Variants in CERKL observed in about 807,000 individuals in gnomAD.
CERKL encodes CERK like autophagy regulator.
CERKL carries 61 observed loss-of-function variants against 63.4 expected under a neutral mutation model. That is an observed-to-expected ratio of 0.96 (90% CI 0.78 to 1.19). The LOEUF is 1.19. Among genes scored for constraint, CERKL ranks in the 50% most tolerant of loss-of-function variants. The probability of loss-of-function intolerance (pLI) is 0.00; values close to 1 mark genes in which losing one functional copy is unlikely to be tolerated. For missense variants in CERKL, 675 were observed against 655.5 expected (o/e 1.03, Z -0.33); for synonymous variants, 250 against 230.5 (o/e 1.08, Z -0.77).
At chr2:181,640,642 G>A (rs1390246342) in intron 1 of CERKL, among the ~76,000 whole-genome samples, 1 of 152,148 alleles carries the variant, frequency 6.6e-6, no homozygotes, top group East Asian at 1.9e-4. Context: ...ATTACAGAGG[G>A]TACAAAAACA....
At chr2:181,556,800 A>G (rs1425214394) in intron 5 of CERKL, among the ~76,000 whole-genome samples, 8 of 152,146 alleles carry the variant, frequency 5.3e-5, no homozygotes, top group Non-Finnish European at 1.0e-4. Flanking sequence ...CTAGTTCTAG[A>G]TCCCTGAGGA....
At chr2:181,632,166 A>G (rs55710013) in intron 1 of CERKL, among the ~76,000 whole-genome samples, 17,192 of 152,216 alleles carry the variant, frequency 0.11, 1,336 homozygotes, top group East Asian at 0.22. Flanking sequence ...TATATCATCC[A>G]TAAACTTTGA....
chr2:181,620,606 A>G (rs893583598), intron 1 of CERKL, among the ~76,000 whole-genome samples: 2 of 152,204 alleles, frequency 1.3e-5, no homozygotes, highest in African/African-American at 2.4e-5. Context: ...CTGAGAGATT[A>G]AAGTAATTGT....
intron 2 of CERKL, among the ~76,000 whole-genome samples, chr2:181,582,709 T>C (rs961120748): frequency 6.6e-6 from 1 of 151,846 alleles, no homozygotes; most frequent in Non-Finnish European, 1.5e-5. Flanking sequence ...CAAGCCCAGC[T>C]AATTTTTGTA....
chr2:181,650,702 T>A (rs1687890487), intron 1 of CERKL, among the ~76,000 whole-genome samples: 1 of 149,862 alleles, frequency 6.7e-6, no homozygotes, highest in African/African-American at 2.5e-5. Flanking sequence ...GAGGTTGCGG[T>A]GAGCCGAGAT....
chr2:181,568,371 C>A (rs936162995), intron 3 of CERKL, among the ~76,000 whole-genome samples: 5 of 152,116 alleles, frequency 3.3e-5, no homozygotes, highest in Admixed American at 6.6e-5. Context: ...TTTTTGTGTT[C>A]CATCATCTAC....
chr2:181,610,542 G>A (rs1476937273), intron 1 of CERKL, among the ~76,000 whole-genome samples: 3 of 152,188 alleles, frequency 2.0e-5, no homozygotes, highest in African/African-American at 7.2e-5. Flanking sequence ...GTCATCTTCT[G>A]CAGCTCATAA....
chr2:181,621,168 A>G (rs1473509041), intron 1 of CERKL, among the ~76,000 whole-genome samples: 1 of 152,218 alleles, frequency 6.6e-6, no homozygotes, highest in Non-Finnish European at 1.5e-5. Flanking sequence ...TTTCCACAAG[A>G]AAGAAAAATT....
chr2:181,623,180 T>C (rs1305320191), intron 1 of CERKL, among the ~76,000 whole-genome samples: 1 of 152,204 alleles, frequency 6.6e-6, no homozygotes, highest in Non-Finnish European at 1.5e-5. Flanking sequence ...AGTGATAATA[T>C]CTTTTAGATT....
intron 1 of CERKL, among the ~76,000 whole-genome samples, chr2:181,631,136 C>G (rs1574517831): frequency 6.6e-6 from 1 of 152,182 alleles, no homozygotes; most frequent in South Asian, 2.1e-4. Context: ...GATTTGAAAG[C>G]ACCATTTACA....
rs113425928 is a variant in CERKL, at chr2:181,603,894, T to C, written c.424A>G (p.Asn142Asp). 1 of 1,613,202 alleles carries C rather than the reference T, an allele frequency of 6.2e-7. No individual in the cohort carries two copies. The highest frequency in any genetic ancestry group is 8.5e-7 in the Non-Finnish European group (1 of 1,179,356). The change falls in exon 2 of 13, where the codon AAT becomes GAT. Residue 142 changes from asparagine (N) to aspartate (D), a missense_variant. Coordinates refer to ENST00000410087, the MANE Select transcript of CERKL (RefSeq NM_201548.5). Reference protein sequence around the residue: ...KLKNSTLDLINLSEDHCDIWF... With the variant: ...KLKNSTLDLIDLSEDHCDIWF... The stretch of plus-strand genomic sequence containing the variant: ...ATGTCACAGTGGTCTTCACTTAAAT[T>C]AATAAGATCAAGTGTAGAATTCTTT...
At chr2:181,632,417 C>T (rs144854322) in intron 1 of CERKL, among the ~76,000 whole-genome samples, 5 of 152,254 alleles carry the variant, frequency 3.3e-5, no homozygotes, top group African/African-American at 7.2e-5. Flanking sequence ...CTCTAGTGAA[C>T]GAGCATGCAA....
In CERKL at chr2:181,548,788, G is replaced by A; in HGVS notation, c.965C>T (p.Ala322Val). ...AGKLLRFGFS[A>V]MFGFGGRTLA... ...AGTTCTTCCACCAAAGCCAAACATG[G>A]CTGAGAACCCAAAGCGAAGAAGCTT... is the stretch of plus-strand genomic sequence containing the variant. Residue 322 changes from alanine (A) to valine (V), a missense_variant, in exon 7 of 13, where the codon GCC (alanine) becomes GTC (valine). By Grantham distance (64) the Ala-to-Val change is moderately conservative. Transcript: ENST00000410087. 1 of 1,614,026 alleles carries A rather than the reference G, an allele frequency of 6.2e-7. No individual in the cohort carries two copies. Among genetic ancestry groups the A allele is most frequent in the South Asian group, 1.1e-5 (1 of 91,084 alleles).
intron 2 of CERKL, among the ~76,000 whole-genome samples, chr2:181,596,499 G>A (rs1268075345): frequency 6.6e-6 from 1 of 152,138 alleles, no homozygotes; most frequent in Non-Finnish European, 1.5e-5. Context: ...TGGACAAAGA[G>A]AAACACTGCA....
chr2:181,589,528 A>T (rs150625859), intron 2 of CERKL, among the ~76,000 whole-genome samples: 74 of 152,350 alleles, frequency 4.9e-4, no homozygotes, highest in Non-Finnish European at 4.4e-5. Flanking sequence ...AAAAATCTTC[A>T]TATTTAAGTC....
chr2:181,600,192 A>C (rs1359280906), intron 2 of CERKL, among the ~76,000 whole-genome samples: 1 of 152,218 alleles, frequency 6.6e-6, no homozygotes, highest in African/African-American at 2.4e-5. Context: ...CCATACAAGA[A>C]ATACTCCAAG....
At position 181,549,615 on chromosome 2, in the gene CERKL, G is replaced by C. The variant is rs1687897352; in HGVS notation, c.895+19C>G. 6.4e-7 allele frequency: 1 copy of C among 1,557,140 alleles called. No homozygotes were observed. The highest frequency in any genetic ancestry group is 8.9e-7 in the Non-Finnish European group (1 of 1,128,394). ...AACATTTCCTTATAAAATATGAACTGCTTTGGAAGAATTCTTACCCATTAT... is the reference window on the plus strand; with the variant it reads ...AACATTTCCTTATAAAATATGAACTCCTTTGGAAGAATTCTTACCCATTAT... On this transcript the variant is annotated intron_variant, in intron 6 of 12. Coordinates refer to ENST00000410087, the MANE Select transcript of CERKL (RefSeq NM_201548.5).
At chr2:181,595,819 T>C (rs1431931280) in intron 2 of CERKL, among the ~76,000 whole-genome samples, 2 of 152,336 alleles carry the variant, frequency 1.3e-5, no homozygotes, top group African/African-American at 2.4e-5. Flanking sequence ...CATAATTTTA[T>C]TTCCCTTCTT....
chr2:181,570,169 C>T (rs962810185), intron 3 of CERKL, among the ~76,000 whole-genome samples: 3 of 152,060 alleles, frequency 2.0e-5, no homozygotes, highest in Admixed American at 2.0e-4. Context: ...CTAATCTGCC[C>T]AAAGGTACAG....
Sources: allele counts gnomAD v4.1 joint callset (sites outside exome capture counted in the v4.1 genomes callset), GRCh38; gene constraint gnomAD v4.1.1; transcripts MANE v1.5; gene names NCBI Gene and HGNC (gene_info 2026-07-23, HGNC 2026-07-21).